The following PDXK variants were observed in gnomAD, a reference collection of about 807,000 sequenced individuals.
PDXK encodes the protein epididymis secretory sperm binding protein Li 1a.
In PDXK, 15 loss-of-function variants were observed where a neutral mutation model predicts 43.2. That is an observed-to-expected ratio of 0.35 (90% CI 0.23 to 0.53). The LOEUF (loss-of-function observed/expected upper bound fraction) is 0.53. Ranked by LOEUF, PDXK falls within the 20% of genes least tolerant of loss-of-function variation. The pLI, the probability that PDXK is intolerant of heterozygous loss-of-function variation, is 0.92. For missense variants in PDXK, 343 were observed against 417.0 expected (o/e 0.82, Z 1.54); for synonymous variants, 172 against 165.4 (o/e 1.04, Z -0.31).
chr21:43,737,555 G>A lies in PDXK; in HGVS notation c.142+3432G>A. 1 of 1,008,958 alleles carries A rather than the reference G, an allele frequency of 9.9e-7. No homozygotes were observed. Among genetic ancestry groups the A allele is most frequent in the Non-Finnish European group, 1.2e-6 (1 of 843,194 alleles). 62.5% of individuals were successfully genotyped at this position (1,008,958 alleles called of 1,614,324 possible). ...GGGTTGCGCTGTCCTGGCTTTCGGAGTGTAGAGCCAGAGGGGATGGGACAG... is the reference window on the plus strand; with the variant it reads ...GGGTTGCGCTGTCCTGGCTTTCGGAATGTAGAGCCAGAGGGGATGGGACAG... On this transcript the variant is annotated intron_variant, in intron 2 of 10. Coordinates refer to ENST00000291565, the MANE Select transcript of PDXK (RefSeq NM_003681.5). This position sits in a 1 kb window ranked among gnomAD's most constrained non-coding sequence, Gnocchi z 4.8.
intron 1 of PDXK, among the ~76,000 whole-genome samples, chr21:43,726,726 A>T (rs2083257772): frequency 6.6e-6 from 1 of 151,822 alleles, no homozygotes; most frequent in South Asian, 2.1e-4. Context: ...CCATTTTCTG[A>T]TCTATTTTTC....
rs766439543 is a variant in PDXK, at chr21:43,756,106, C to T, written c.*43C>T. 1.3e-5 allele frequency: 14 copies of T among 1,114,622 alleles called. No individual in the cohort carries two copies. In the African/African-American group the frequency reaches 2.0e-4, roughly 16 times the overall value. The allele number at this position is 1,114,622 out of a possible 1,614,324, so 69.0% of individuals were successfully genotyped here. ...CGTGACACGCAGCGCGTTGGTGTCT[C>T]CGTGTTTGTCCCTGTGAAAACATGT... On this transcript the variant is annotated 3_prime_UTR_variant, in exon 11 of 11. Transcript: ENST00000291565.
At chr21:43,753,265 C>T (rs909221515) in intron 8 of PDXK, among the ~76,000 whole-genome samples, 7 of 152,210 alleles carry the variant, frequency 4.6e-5, no homozygotes, top group South Asian at 4.1e-4. Context: ...CGTGGGCACA[C>T]GCACACACAT....
At chr21:43,733,636 G>C in intron 1 of PDXK, 1 of 1,055,174 alleles carries the variant, frequency 9.5e-7, no homozygotes, top group Non-Finnish European at 1.1e-6. Flanking sequence ...TCTTCCAAGG[G>C]GTGGGGTAGA....
chr21:43,727,197 C>T (rs1446463525), intron 1 of PDXK, among the ~76,000 whole-genome samples: 1 of 152,184 alleles, frequency 6.6e-6, no homozygotes, highest in African/African-American at 2.4e-5. Context: ...TGCGGGTGCA[C>T]ACCCACACAG....
intron 3 of PDXK, 59 bp downstream of exon 3, chr21:43,741,830 C>G: frequency 1.7e-6 from 2 of 1,182,564 alleles, no homozygotes; most frequent in Non-Finnish European, 2.5e-6. Context: ...CCAGGGTGGG[C>G]TCAGGGAGGT....
At chr21:43,745,091 C>G (rs927942177) in intron 4 of PDXK, among the ~76,000 whole-genome samples, 4 of 152,110 alleles carry the variant, frequency 2.6e-5, no homozygotes, top group Admixed American at 2.6e-4. Flanking sequence ...GACGAAGGCT[C>G]GTCGCGGCTG....
At chr21:43,744,475 G>A (rs1040695991) in intron 4 of PDXK, 2 of 153,852 alleles carry the variant, frequency 1.3e-5, no homozygotes, top group Non-Finnish European at 2.9e-5. Context: ...CAAAAGGAGA[G>A]TGCTTGTCGG....
chr21:43,750,161 C>T (rs371129900), intron 6 of PDXK, among the ~76,000 whole-genome samples: 16 of 152,232 alleles, frequency 1.1e-4, no homozygotes, highest in African/African-American at 2.9e-4. Context: ...TAATCGCTAG[C>T]GGCTCTTTGA....
intron 1 of PDXK, among the ~76,000 whole-genome samples, chr21:43,731,641 C>T (rs754940181): frequency 4.6e-5 from 7 of 152,142 alleles, no homozygotes; most frequent in East Asian, 1.9e-4. Context: ...GGAGGAGCTC[C>T]GGGTGGGAGG....
rs1056791700 is a variant in PDXK, at chr21:43,758,674, G to C, written c.*2611G>C. 1 of 153,308 alleles carries C rather than the reference G, an allele frequency of 6.5e-6. No individual in the cohort carries two copies. The highest frequency in any genetic ancestry group is 2.4e-5 in the African/African-American group (1 of 41,450). The allele number at this position is 153,308 out of a possible 1,614,324, so 9.5% of individuals were successfully genotyped here. On this transcript the variant is annotated 3_prime_UTR_variant, in exon 11 of 11. Transcript: ENST00000291565. ...TGGATCCAGATTAGAATTGATCTTT[G>C]TTTTCACTTTCCATAGTTAATAACA...
rs918880866 is a variant in PDXK, at chr21:43,732,087, A to C, written c.88-1982A>C. 5 of 1,143,134 alleles carry C rather than the reference A, an allele frequency of 4.4e-6. No homozygotes were observed. The highest frequency in any genetic ancestry group is 5.5e-6 in the Non-Finnish European group (5 of 908,618). 70.8% of individuals were successfully genotyped at this position (1,143,134 alleles called of 1,614,324 possible). On this transcript the variant is annotated intron_variant, in intron 1 of 10. Transcript: ENST00000291565. The surrounding 1 kb of genome is among the most constrained non-coding windows in gnomAD (Gnocchi z 4.1). ...CACTACCGCTGCCCCTGTGGGGAGA[A>C]GAGCCCCGGGGGAAGAAGAGCACTG...
chr21:43,754,889 G>C lies in PDXK; in HGVS notation c.760-809G>C, dbSNP rs1372344654. On this transcript the variant is annotated intron_variant, in intron 9 of 10. Transcript: ENST00000291565. This position sits in a 1 kb window ranked among gnomAD's most constrained non-coding sequence, Gnocchi z 5.5. Reference sequence around the variant, plus strand: ...GAGTGTCCTGGTGTGTAAAATGGAAGAGGTGGACTGAGGCCCTTTGCCTCC... The same window carrying C: ...GAGTGTCCTGGTGTGTAAAATGGAACAGGTGGACTGAGGCCCTTTGCCTCC... Among the ~76,000 whole-genome samples the C allele has an allele frequency of 6.6e-6, 1 of 150,984 alleles. No homozygotes were observed. The highest frequency in any genetic ancestry group is 1.5e-5 in the Non-Finnish European group (1 of 67,808).
At position 43,737,209 on chromosome 21, in the gene PDXK, G is replaced by T; in HGVS notation, c.142+3086G>T. ...GTGTTCCACACAAGCTGCGTTGTTG[G>T]TTCCCTGACGCCCTTCAGGCTGGGG... On this transcript the variant is annotated intron_variant, in intron 2 of 10. Transcript: ENST00000291565. This position sits in a 1 kb window ranked among gnomAD's most constrained non-coding sequence, Gnocchi z 4.8. The T allele has an allele frequency of 7.0e-7, 1 of 1,437,644 alleles. No individual in the cohort carries two copies. The highest frequency in any genetic ancestry group is 2.7e-5 in the Admixed American group (1 of 37,444). The allele number at this position is 1,437,644 out of a possible 1,614,324, so 89.1% of individuals were successfully genotyped here.
Position 43,754,959 on chromosome 21 carries a change from C to T in PDXK, c.760-739C>T, listed in dbSNP as rs1249991360. On this transcript the variant is annotated intron_variant, in intron 9 of 10. Coordinates refer to ENST00000291565, the MANE Select transcript of PDXK (RefSeq NM_003681.5). This position sits in a 1 kb window ranked among gnomAD's most constrained non-coding sequence, Gnocchi z 5.5. ...ACACCCTGAGCTGGAATGCACAGCC[C>T]CCTCATTCCATCCCTTCTGGCCCCT... Among the ~76,000 whole-genome samples, 2 of 152,188 alleles carry T rather than the reference C, an allele frequency of 1.3e-5. No homozygotes were observed. Among genetic ancestry groups the T allele is most frequent in the Admixed American group, 1.3e-4 (2 of 15,280 alleles).
At position 43,737,978 on chromosome 21, in the gene PDXK, T is replaced by TGCA; in HGVS notation, c.143-3689_143-3688insGCA. Reference sequence around the variant, plus strand: ...GAGGTGCAAGACCATGCCCTCTGTTTCGATAGGAAGCTGGGCCTCAGAGGG... The same window carrying TGCA: ...GAGGTGCAAGACCATGCCCTCTGTTTGCACGATAGGAAGCTGGGCCTCAGAGGG... On this transcript the variant is annotated intron_variant, in intron 2 of 10. Transcript: ENST00000291565. This position sits in a 1 kb window ranked among gnomAD's most constrained non-coding sequence, Gnocchi z 4.8. The TGCA allele has an allele frequency of 1.0e-6, 1 of 985,390 alleles. No individual in the cohort carries two copies. The highest frequency in any genetic ancestry group is 1.7e-5 in the African/African-American group (1 of 57,332). The allele number at this position is 985,390 out of a possible 1,614,324, so 61.0% of individuals were successfully genotyped here.
At chr21:43,745,807 G>A (rs971899198) in intron 4 of PDXK, 152 of 438,998 alleles carry the variant, frequency 3.5e-4, no homozygotes, top group Non-Finnish European at 4.9e-4. Flanking sequence ...AACCAGCCTC[G>A]GCAACATGGT....
At position 43,758,641 on chromosome 21, in the gene PDXK, C is replaced by G. The variant is rs1162727054; in HGVS notation, c.*2578C>G. The G allele has an allele frequency of 1.3e-5, 2 of 153,602 alleles. No individual in the cohort carries two copies. Among genetic ancestry groups the G allele is most frequent in the Admixed American group, 6.5e-5 (1 of 15,278 alleles). The allele number at this position is 153,602 out of a possible 1,614,324, so 9.5% of individuals were successfully genotyped here. A position where few individuals can be genotyped will look rare whatever the true frequency, so the allele number is the denominator to read the frequency against. ...CCTTGGGCATTGGCAGTGGGTTTCC[C>G]TATGGCTTGGATCCAGATTAGAATT... On this transcript the variant is annotated 3_prime_UTR_variant, in exon 11 of 11. Coordinates refer to ENST00000291565, the MANE Select transcript of PDXK (RefSeq NM_003681.5).
At chr21:43,748,653 T>C (rs1262528668) in intron 5 of PDXK, among the ~76,000 whole-genome samples, 2 of 152,162 alleles carry the variant, frequency 1.3e-5, no homozygotes, top group African/African-American at 4.8e-5. Context: ...CCAGGGCTGC[T>C]CCATCCACCT....
Sources: allele counts gnomAD v4.1 joint callset (sites outside exome capture counted in the v4.1 genomes callset), GRCh38; gene constraint gnomAD v4.1.1; non-coding constraint Gnocchi (gnomAD v3.1); transcripts MANE v1.5; gene names NCBI Gene and HGNC (gene_info 2026-07-23, HGNC 2026-07-21).